CAPN14: variants seen among roughly 807,000 people sequenced by gnomAD.
CAPN14 encodes calpain-14.
A neutral mutation model predicts 101.3 loss-of-function variants in CAPN14; 94 were observed. The observed-to-expected ratio is 0.93, with a 90% CI of 0.79 to 1.10. The LOEUF (loss-of-function observed/expected upper bound fraction) is 1.10, where lower values mean the gene tolerates loss of function less well. Ranked by LOEUF, CAPN14 falls within the 50% of genes least tolerant of loss-of-function variation. The pLI is 0.00. For synonymous variants in CAPN14, 338 were observed against 317.9 expected (o/e 1.06, Z -0.67); for missense variants, 837 against 828.4 (o/e 1.01, Z -0.13).
rs925067692 is a variant in CAPN14 at position 31,174,518 on chromosome 2, C to G, written c.*163G>C. ...TCCCTTTCTGCATGCTGGCCATGCA[C>G]GGGGAGGGCTGCAGAAGAGAAACCT... On this transcript the variant is annotated 3_prime_UTR_variant, in exon 22 of 22. Coordinates refer to ENST00000403897, the MANE Select transcript of CAPN14 (RefSeq NM_001145122.2). 4.5e-6 allele frequency: 3 copies of G among 670,478 alleles called. No homozygotes were observed. The highest frequency in any genetic ancestry group is 7.7e-6 in the Non-Finnish European group (3 of 388,110). The allele number at this position is 670,478 out of a possible 1,614,324, so 41.5% of individuals were successfully genotyped here.
Position 31,188,332 on chromosome 2 carries a change from C to T in CAPN14, c.1516G>A (p.Val506Ile). Residue 506 changes from valine (V) to isoleucine (I), a missense_variant, in exon 14 of 22, where the codon GTC becomes ATC. Val to Ile is a conservative substitution (Grantham distance 29). Transcript: ENST00000403897. ...IFYEIGSNSG[V>I]VFSKEIEDQN... is the part of the protein sequence containing the mutation. Reference sequence around the variant, plus strand: ...AGACTACTCACCTTTGAGAAGACGACACCAGAATTGCTGCCAATTTCACTG... The same window carrying T: ...AGACTACTCACCTTTGAGAAGACGATACCAGAATTGCTGCCAATTTCACTG... The T allele has an allele frequency of 6.4e-7, 1 of 1,551,636 alleles. No individual in the cohort carries two copies.
At chr2:31,206,211 C>G (rs1017721291) in intron 1 of CAPN14, among the ~76,000 whole-genome samples, 1 of 151,922 alleles carries the variant, frequency 6.6e-6, no homozygotes, top group African/African-American at 2.4e-5. Flanking sequence ...GCAGCTCCCA[C>G]GTGGAGGCCT....
At chr2:31,225,670 C>T (rs529529568) in intron 2 of CAPN14, among the ~76,000 whole-genome samples, 36 of 152,124 alleles carry the variant, frequency 2.4e-4, no homozygotes, top group Admixed American at 1.8e-3. Flanking sequence ...AATTAGATTA[C>T]AGAATTTCCA....
chr2:31,226,581 G>C (rs1436132385), exon 2 of CAPN14: 3 of 152,266 alleles, frequency 2.0e-5, no homozygotes, highest in Non-Finnish European at 4.4e-5. Flanking sequence ...CTTCAGCATG[G>C]ATTTTTCTGC....
At chr2:31,191,487 C>A in intron 11 of CAPN14, 80 bp from the exon 12 acceptor site, 1 of 1,423,902 alleles carries the variant, frequency 7.0e-7, no homozygotes, top group Non-Finnish European at 9.4e-7. Context: ...CTGGCTCTTT[C>A]ATAAACCGAA....
chr2:31,190,483 G>A (rs1052709186), intron 12 of CAPN14, among the ~76,000 whole-genome samples: 3 of 152,092 alleles, frequency 2.0e-5, no homozygotes, highest in African/African-American at 7.2e-5. Flanking sequence ...AATGAGCCAC[G>A]GTAGCTGTCC....
At chr2:31,191,436 A>G (rs1191109299) in intron 11 of CAPN14, 29 bp from the exon 12 acceptor site, 1 of 1,533,492 alleles carries the variant, frequency 6.5e-7, no homozygotes, top group South Asian at 1.2e-5. Context: ...AACAGAAAAA[A>G]AAAAAAAAAG....
At chr2:31,203,230 T>G (rs1470334) in intron 2 of CAPN14, 91 bp from the exon 3 acceptor site, 33,981 of 932,264 alleles carry the variant, frequency 0.036, 850 homozygotes, top group African/African-American at 0.086. Flanking sequence ...CCCAAAACTG[T>G]ACTTATGGGG....
chr2:31,198,131 T>C lies in CAPN14; in HGVS notation c.790-797A>G, dbSNP rs528327722. ...AGGGCAAACCTGCCTCTCATTCTAT[T>C]CAAAGCCACCCCTCTGCTCACTGAG... is the stretch of plus-strand genomic sequence containing the variant. On this transcript the variant is annotated intron_variant, in intron 7 of 21. Coordinates refer to ENST00000403897, the MANE Select transcript of CAPN14 (RefSeq NM_001145122.2). 1.2e-4 allele frequency among the ~76,000 whole-genome samples: 19 copies of C among 152,328 alleles called. No homozygotes were observed. The South Asian group carries it at 3.9e-3, about 32-fold the overall frequency.
chr2:31,196,333 C>T (rs1681468881), intron 8 of CAPN14, among the ~76,000 whole-genome samples: 1 of 152,188 alleles, frequency 6.6e-6, no homozygotes, highest in Non-Finnish European at 1.5e-5. Flanking sequence ...ATGAAAGAAA[C>T]CGCCACCAGC....
At position 31,194,434 on chromosome 2, in the gene CAPN14, TC is replaced by T; in HGVS notation, c.924del (p.Arg309GlyfsTer10). ...CAGAATTCTCCGTCATTGTCTTTCC[TC>T]AGAAGCAGAATCTTCTCCTTGGGGC... ...LLSPKEKILL[L>X]RKDNDGEFWM... On this transcript the variant is annotated frameshift_variant, in exon 9 of 22. Transcript: ENST00000403897. LOFTEE classifies it high-confidence loss of function. 1 of 1,551,480 alleles carries T rather than the reference TC, an allele frequency of 6.4e-7. No individual in the cohort carries two copies.
chr2:31,205,261 G>A lies in CAPN14; in HGVS notation c.187C>T (p.Gln63Ter). The change falls in exon 2 of 22, where the codon CAG (glutamine) becomes TAG (stop). Residue 63 changes from glutamine (Q) to a stop codon, truncating the protein, a stop_gained. Transcript: ENST00000403897. LOFTEE classifies it high-confidence loss of function. ...LSSIGSGSLL[Q>*]KLPPRLQWKR... ...CACTGCAGGCGGGGTGGCAGCTTCT[G>A]CAGCAGGGAGCCACTGCCGATGGAG... 6.5e-7 allele frequency: 1 copy of A among 1,549,942 alleles called. No individual in the cohort carries two copies. Among genetic ancestry groups the A allele is most frequent in the East Asian group, 2.4e-5 (1 of 40,906 alleles).
At chr2:31,213,857 C>A (rs6711794) in intron 1 of CAPN14, among the ~76,000 whole-genome samples, 23,211 of 152,166 alleles carry the variant, frequency 0.15, 2,139 homozygotes, top group East Asian at 0.35. Flanking sequence ...AACAGCATCT[C>A]TATGTACATA....
rs1309625248 is a variant in CAPN14, at chr2:31,192,047, T to C, written c.1166A>G (p.Glu389Gly). 1 of 1,551,248 alleles carries C rather than the reference T, an allele frequency of 6.4e-7. No homozygotes were observed. The highest frequency in any genetic ancestry group is 8.7e-7 in the Non-Finnish European group (1 of 1,146,818). Residue 389 changes from glutamate to glycine, a missense_variant, in exon 11 of 22, where the codon GAG becomes GGG. Transcript: ENST00000403897. ...GCAGGGCCTCAGGGATCTCCTGCCC[T>C]CCTCGGGCCTCCAGACAGACAGCAG... The part of the protein sequence containing the change: ...QFLLSVWRPE[E>G]GRRSLRPCSV...
Position 31,205,287 on chromosome 2 carries a change from C to A in CAPN14, c.161G>T (p.Ser54Ile). The change falls in exon 2 of 22, where the codon AGC (serine) becomes ATC (isoleucine). Residue 54 changes from serine (S) to isoleucine (I), a missense_variant. Ser to Ile is a moderately radical substitution (Grantham distance 142). Coordinates refer to ENST00000403897, the MANE Select transcript of CAPN14 (RefSeq NM_001145122.2). ...CAGCAGGGAGCCACTGCCGATGGAG[C>A]TCAGGGTGGCCGGGAAGCTGGTGTC... ...FEDTSFPATL[S>I]SIGSGSLLQK... The A allele has an allele frequency of 6.5e-7, 1 of 1,550,354 alleles. No individual in the cohort carries two copies. The highest frequency in any genetic ancestry group is 2.0e-5 in the Admixed American group (1 of 51,008).
chr2:31,198,151 A>G (rs1407544635), intron 7 of CAPN14, among the ~76,000 whole-genome samples: 1 of 152,232 alleles, frequency 6.6e-6, no homozygotes, highest in Non-Finnish European at 1.5e-5. Context: ...CCCTCTGCTC[A>G]CTGAGATAGA....
chr2:31,176,718 C>G, intron 20 of CAPN14, 76 bp from the exon 21 acceptor site: 2 of 1,309,468 alleles, frequency 1.5e-6, no homozygotes, highest in Non-Finnish European at 2.2e-6. Flanking sequence ...TCCCATATGT[C>G]TCACCTTAAC....
intron 6 of CAPN14, 147 bp downstream of exon 6, chr2:31,200,304 C>T (rs1681688366): frequency 3.0e-6 from 2 of 676,940 alleles, no homozygotes; most frequent in East Asian, 5.9e-5. Flanking sequence ...CGCACCTGGC[C>T]TTGCTGCTCT....
intron 1 of CAPN14, among the ~76,000 whole-genome samples, chr2:31,214,386 C>T (rs1228523036): frequency 6.6e-6 from 1 of 152,230 alleles, no homozygotes; most frequent in Non-Finnish European, 1.5e-5. Flanking sequence ...GCCTCTTTAA[C>T]ATCCTTCCCC....
Sources: gnomAD v4.1 joint callset for allele counts (sites outside exome capture counted in the v4.1 genomes callset) on GRCh38, gnomAD v4.1.1 for gene constraint, MANE v1.5 for transcripts, NCBI Gene and HGNC (gene_info 2026-07-23, HGNC 2026-07-21) for gene names.